The following ZBTB25 variants were observed in gnomAD, a reference collection of about 807,000 sequenced individuals.
ZBTB25 encodes zinc finger and BTB domain-containing protein 25.
In ZBTB25, 20 loss-of-function variants were observed where a neutral mutation model predicts 34.2. The observed-to-expected ratio is 0.58, with a 90% CI of 0.41 to 0.85. The LOEUF is 0.85. Ranked by LOEUF, ZBTB25 falls within the 40% of genes least tolerant of loss-of-function variation. The probability of loss-of-function intolerance (pLI) is 0.00; values close to 1 mark genes in which losing one functional copy is unlikely to be tolerated. For missense variants in ZBTB25, 437 were observed against 521.8 expected, an observed-to-expected ratio of 0.84 and a Z score of 1.58; for synonymous variants, 175 against 186.4, an observed-to-expected ratio of 0.94 and a Z score of 0.50.
intron 1 of ZBTB25, among the ~76,000 whole-genome samples, chr14:64,498,234 C>T (rs1016178553): frequency 6.6e-6 from 1 of 151,840 alleles, no homozygotes; most frequent in South Asian, 2.1e-4. Flanking sequence ...CTATGCAGAG[C>T]TGTATTGATG....
At chr14:64,452,627 C>T (rs2078392561) in intron 2 of ZBTB25, among the ~76,000 whole-genome samples, 1 of 152,202 alleles carries the variant, frequency 6.6e-6, no homozygotes, top group South Asian at 2.1e-4. Flanking sequence ...ATGCCCAATG[C>T]GTGTTGATCA....
At chr14:64,493,016 C>T (rs1272734426) in intron 1 of ZBTB25, among the ~76,000 whole-genome samples, 1 of 150,816 alleles carries the variant, frequency 6.6e-6, no homozygotes, top group Non-Finnish European at 1.5e-5. Context: ...CAAGGCCAGG[C>T]AGAAAAAATA....
chr14:64,488,086 A>C (rs753402308), intron 2 of ZBTB25, 29 bp from the exon 3 acceptor site: 26 of 1,597,524 alleles, frequency 1.6e-5, no homozygotes, highest in Non-Finnish European at 2.1e-5. Context: ...GACCCACAAG[A>C]AATGAAACAC....
chr14:64,502,311 T>A (rs551982116), intron 1 of ZBTB25, among the ~76,000 whole-genome samples: 1 of 152,360 alleles, frequency 6.6e-6, no homozygotes, highest in South Asian at 2.1e-4. Flanking sequence ...GATATTTCAC[T>A]GACTGCCAGC....
chr14:64,500,709 T>TGCCTC (rs1226471596), intron 1 of ZBTB25, among the ~76,000 whole-genome samples: 1 of 146,506 alleles, frequency 6.8e-6, no homozygotes, highest in Admixed American at 6.8e-5. Context: ...GCAGAAGAAT[T>TGCCTC]GCCAATAAGG....
chr14:64,465,127 G>A (rs2078596615), intron 2 of ZBTB25, among the ~76,000 whole-genome samples: 1 of 152,066 alleles, frequency 6.6e-6, no homozygotes, highest in Non-Finnish European at 1.5e-5. Context: ...GGGGAGGAGA[G>A]GAGATGTGTA....
At chr14:64,469,608 A>G in intron 2 of ZBTB25, 2 of 1,611,754 alleles carry the variant, frequency 1.2e-6, no homozygotes, top group Non-Finnish European at 1.7e-6. Flanking sequence ...AATGCTATTC[A>G]GTTGTCAATA....
At chr14:64,503,231 T>C in intron 1 of ZBTB25, 1 of 985,414 alleles carries the variant, frequency 1.0e-6, no homozygotes, top group Non-Finnish European at 1.2e-6. Context: ...AATCACAAGC[T>C]GGGAGTGGAA....
chr14:64,489,638 C>T (rs1406426609), intron 2 of ZBTB25, among the ~76,000 whole-genome samples: 2 of 151,552 alleles, frequency 1.3e-5, no homozygotes, highest in Non-Finnish European at 2.9e-5. Flanking sequence ...TAGGTACACG[C>T]AATTCTCCTC....
chr14:64,456,238 G>T (rs139012650), intron 2 of ZBTB25, among the ~76,000 whole-genome samples: 1,524 of 152,314 alleles, frequency 0.01, 21 homozygotes, highest in South Asian at 0.069. Context: ...TTAGAACAAA[G>T]TATGTGTCAG....
intron 2 of ZBTB25, among the ~76,000 whole-genome samples, chr14:64,451,310 A>G (rs1299932490): frequency 6.6e-6 from 1 of 152,110 alleles, no homozygotes; most frequent in Non-Finnish European, 1.5e-5. Flanking sequence ...GCATGAGCCA[A>G]TGTGCCTGGC....
At chr14:64,468,548 G>A in intron 2 of ZBTB25, 1 of 1,614,054 alleles carries the variant, frequency 6.2e-7, no homozygotes, top group Non-Finnish European at 8.5e-7. Context: ...GCCCAAAGCT[G>A]GCTCTGAAGC....
intron 2 of ZBTB25, chr14:64,469,359 TC>T: frequency 6.2e-7 from 1 of 1,613,934 alleles, no homozygotes; most frequent in Non-Finnish European, 8.5e-7. Context: ...GAAAATGGGA[TC>T]ACTGAAGAGA....
At chr14:64,458,246 C>A (rs1410883699) in intron 2 of ZBTB25, 1 of 1,613,288 alleles carries the variant, frequency 6.2e-7, no homozygotes, top group Non-Finnish European at 8.5e-7. Context: ...CCACCCGGCC[C>A]TGTTTTTATG....
At position 64,486,269 on chromosome 14, in the gene ZBTB25, C is replaced by T. The variant is rs2078859707; in HGVS notation, c.*654G>A. The T allele has an allele frequency of 1.0e-6, 1 of 973,620 alleles. No homozygotes were observed. Among genetic ancestry groups the T allele is most frequent in the Non-Finnish European group, 1.2e-6 (1 of 819,530 alleles). 60.3% of individuals were successfully genotyped at this position (973,620 alleles called of 1,614,324 possible). A position where few individuals can be genotyped will look rare whatever the true frequency, so the allele number is the denominator to read the frequency against. On this transcript the variant is annotated 3_prime_UTR_variant, in exon 3 of 3. Transcript: ENST00000608382. ...GTCAGCCGAGATCGCGCCACTGCGC[C>T]CCAGCCTGGGCGACACAGAGAGACT...
intron 2 of ZBTB25, chr14:64,467,105 A>G (rs2078620191): frequency 6.6e-6 from 1 of 152,206 alleles, no homozygotes; most frequent in Admixed American, 6.5e-5. Context: ...TCAATTTTTT[A>G]ATTTTTTTAC....
intron 2 of ZBTB25, among the ~76,000 whole-genome samples, chr14:64,465,331 C>G (rs1014262652): frequency 4.6e-5 from 7 of 152,008 alleles, no homozygotes; most frequent in Non-Finnish European, 8.8e-5. Context: ...TGGGCTTCCC[C>G]GCGGCAGGCA....
intron 1 of ZBTB25, among the ~76,000 whole-genome samples, chr14:64,492,258 G>A (rs1293755924): frequency 6.6e-6 from 1 of 151,694 alleles, no homozygotes; most frequent in Non-Finnish European, 1.5e-5. Context: ...CCAGGCTGGA[G>A]TGCAACGGCT....
rs375167881 is a variant in ZBTB25 at position 64,449,197 on chromosome 14, C to A, written c.*354G>T. On this transcript the variant is annotated 3_prime_UTR_variant, in exon 3 of 3. Transcript: ENST00000555220. ...ATTTACCATCTGAGTCTCATAACGT[C>A]CCAATGAAATAAGTGCTGTGATTAT... is the stretch of plus-strand genomic sequence containing the variant. 5 of 554,666 alleles carry A rather than the reference C, an allele frequency of 9.0e-6. No individual in the cohort carries two copies. In the South Asian group the frequency reaches 9.8e-5, roughly 11 times the overall value. 34.4% of individuals were successfully genotyped at this position (554,666 alleles called of 1,614,324 possible). A position where few individuals can be genotyped will look rare whatever the true frequency, so the allele number is the denominator to read the frequency against.
Sources: allele counts gnomAD v4.1 joint callset (sites outside exome capture counted in the v4.1 genomes callset), GRCh38; gene constraint gnomAD v4.1.1; transcripts MANE v1.5; gene names NCBI Gene and HGNC (gene_info 2026-07-23, HGNC 2026-07-21).